FHDC1: variants seen among roughly 807,000 people sequenced by gnomAD.
FHDC1 encodes the protein FH2 domain containing 1.
Under a neutral mutation model 52.6 loss-of-function variants are expected in FHDC1, and 25 were observed. That is an observed-to-expected ratio of 0.48 (90% CI 0.35 to 0.66). FHDC1 has a LOEUF of 0.66. Among genes scored for constraint, FHDC1 ranks in the 30% least tolerant of loss-of-function variants. The pLI, the probability that FHDC1 is intolerant of heterozygous loss-of-function variation, is 0.01. For missense variants in FHDC1, 1,459 were observed against 1,452.8 expected (o/e 1.00, Z -0.07); for synonymous variants, 616 against 581.5 (o/e 1.06, Z -0.85).
intron 10 of FHDC1, 108 bp downstream of exon 10, chr4:152,968,205 AT>A (rs941267701): frequency 3.8e-5 from 28 of 741,418 alleles, no homozygotes; most frequent in East Asian, 7.9e-5. Context: ...TCCCATTCAT[AT>A]TTTTTTTCTC....
In FHDC1 at chr4:152,975,249, T is replaced by C; in HGVS notation, c.1958T>C (p.Val653Ala). The change falls in exon 12 of 12, where the codon GTG (valine) becomes GCG (alanine). Residue 653 changes from valine (V) to alanine (A), a missense_variant. This residue lies in a region of FHDC1 where 939 missense variants were observed against 854.5 expected (regional missense o/e 1.10). Transcript: ENST00000511601. ...SVLRKRYSEP[V>A]SLGSAQSPPL... is the part of the protein sequence containing the mutation. ...CTCCGAAAGAGGTACAGTGAGCCGGTGAGCCTGGGCTCAGCACAGTCCCCT... is the reference window on the plus strand; with the variant it reads ...CTCCGAAAGAGGTACAGTGAGCCGGCGAGCCTGGGCTCAGCACAGTCCCCT... 6.2e-7 allele frequency: 1 copy of C among 1,613,454 alleles called. No individual in the cohort carries two copies. Among genetic ancestry groups the C allele is most frequent in the South Asian group, 1.1e-5 (1 of 91,084 alleles).
chr4:152,962,949 G>A, intron 7 of FHDC1, 65 bp downstream of exon 7: 3 of 1,152,264 alleles, frequency 2.6e-6, no homozygotes, highest in Middle Eastern at 1.9e-4. Flanking sequence ...AGGTGTGTGT[G>A]TGTGTGTGTG....
In FHDC1 at chr4:152,949,943, G is replaced by A. The variant is rs777356999; in HGVS notation, c.499-3556G>A. The stretch of plus-strand genomic sequence containing the variant: ...ACTCTGCAGTATGCTGACTGTACCC[G>A]TGGCACCGACTTCTGTGGCGGTCCT... On this transcript the variant is annotated intron_variant, in intron 2 of 11. Coordinates refer to ENST00000511601, the MANE Select transcript of FHDC1 (RefSeq NM_001371116.1). 3.5e-4 allele frequency among the ~76,000 whole-genome samples: 53 copies of A among 152,324 alleles called. 1 individual carries two copies. Among genetic ancestry groups the A allele is most frequent in the Non-Finnish European group, 5.1e-4 (35 of 68,030 alleles).
In FHDC1 at chr4:152,974,893, G is replaced by T. The variant is rs113348012; in HGVS notation, c.1602G>T (p.Pro534=). The T allele has an allele frequency of 6.2e-7, 1 of 1,604,726 alleles. No homozygotes were observed. The highest frequency in any genetic ancestry group is 1.7e-5 in the Admixed American group (1 of 59,466). ...ISPSSPSYRP[P]NTRRSRLSLG... ...CCTCCAGCCCCTCCTACCGGCCCCCGAACACCCGCCGCTCCCGCCTCTCCC... is the reference window on the plus strand; with the variant it reads ...CCTCCAGCCCCTCCTACCGGCCCCCTAACACCCGCCGCTCCCGCCTCTCCC... Residue 534 remains proline, a synonymous_variant, in exon 12 of 12, where the codon CCG becomes CCT. Coordinates refer to ENST00000511601, the MANE Select transcript of FHDC1 (RefSeq NM_001371116.1).
the FHDC1 span, among the ~76,000 whole-genome samples, chr4:152,931,270 G>C: frequency 1.3e-5 from 2 of 152,050 alleles, no homozygotes; most frequent in African/African-American, 4.8e-5. Context: ...ATATTTTACA[G>C]CTATTTTTCT....
chr4:152,933,725 G>C (rs1021999888), upstream of FHDC1, among the ~76,000 whole-genome samples: 1 of 98,740 alleles, frequency 1.0e-5, no homozygotes, highest in African/African-American at 5.0e-5. Context: ...GTGAGACCCC[G>C]TCTCAAAAAA....
intron 2 of FHDC1, among the ~76,000 whole-genome samples, chr4:152,950,626 C>T (rs1739897068): frequency 6.6e-6 from 1 of 152,238 alleles, no homozygotes; most frequent in African/African-American, 2.4e-5. Context: ...AGGGCCAGGG[C>T]TCAGGCCCCT....
intron 4 of FHDC1, among the ~76,000 whole-genome samples, chr4:152,955,427 A>G (rs1383888485): frequency 3.9e-5 from 6 of 152,232 alleles, no homozygotes; most frequent in Non-Finnish European, 5.9e-5. Context: ...ACAAATACCT[A>G]TGCTTATAGA....
rs978854852 is a variant in FHDC1, at chr4:152,978,295, T to C, written c.*1572T>C. ...CTGTCTCCCAGCCTTTCTTCTCTCT[T>C]TGTGTGCTCCCAGCACTTCCTTCTT... On this transcript the variant is annotated 3_prime_UTR_variant, in exon 12 of 12. Transcript: ENST00000511601. The C allele has an allele frequency of 6.6e-6, 1 of 152,234 alleles. No homozygotes were observed. The highest frequency in any genetic ancestry group is 1.5e-5 in the Non-Finnish European group (1 of 68,046). 9.4% of individuals were successfully genotyped at this position (152,234 alleles called of 1,614,324 possible). A position where few individuals can be genotyped will look rare whatever the true frequency, so the allele number is the denominator to read the frequency against.
At chr4:152,959,347 C>A (rs568645506) in intron 4 of FHDC1, among the ~76,000 whole-genome samples, 2 of 152,180 alleles carry the variant, frequency 1.3e-5, no homozygotes, top group African/African-American at 4.8e-5. Flanking sequence ...TGAAAACTTT[C>A]CTTTCATCTC....
intron 4 of FHDC1, among the ~76,000 whole-genome samples, 184 bp downstream of exon 4, chr4:152,954,503 A>T (rs1740024240): frequency 6.6e-6 from 1 of 152,130 alleles, no homozygotes; most frequent in Admixed American, 6.5e-5. Flanking sequence ...TCTGGCCAAC[A>T]TGATGGAACT....
At chr4:152,924,375 G>A in the FHDC1 span, among the ~76,000 whole-genome samples, 1 of 152,194 alleles carries the variant, frequency 6.6e-6, no homozygotes, top group East Asian at 1.9e-4. Context: ...TACTGGAGAG[G>A]ATGTGGAGAA....
At position 152,977,482 on chromosome 4, in the gene FHDC1, T is replaced by G. The variant is rs1472516983; in HGVS notation, c.*759T>G. On this transcript the variant is annotated 3_prime_UTR_variant, in exon 12 of 12. Transcript: ENST00000511601. ...TTTGCGACAGGGTCGTGCTCTTGTC[T>G]CCCAGACTGGACTGCAGTGGCACAA... The G allele has an allele frequency of 1.3e-5, 2 of 152,168 alleles. No homozygotes were observed. The highest frequency in any genetic ancestry group is 2.9e-5 in the Non-Finnish European group (2 of 68,034). 9.4% of individuals were successfully genotyped at this position (152,168 alleles called of 1,614,324 possible).
At chr4:152,956,249 T>TC (rs1561207893) in intron 4 of FHDC1, among the ~76,000 whole-genome samples, 1 of 152,178 alleles carries the variant, frequency 6.6e-6, no homozygotes, top group Non-Finnish European at 1.5e-5. Context: ...TTAGGACCTC[T>TC]CTATACCCAC....
In FHDC1 at chr4:152,976,023, C is replaced by G; in HGVS notation, c.2732C>G (p.Ser911Cys). Residue 911 changes from serine to cysteine, a missense_variant, in exon 12 of 12, where the codon TCC becomes TGC. Ser to Cys is a moderately radical substitution (Grantham distance 112, BLOSUM62 -1). This residue lies in a region of FHDC1 where 939 missense variants were observed against 854.5 expected (regional missense o/e 1.10). Transcript: ENST00000511601. The stretch of plus-strand genomic sequence containing the variant: ...CGCAAGGTCATGCCCATCACCAAGT[C>G]CAGCAGAGGCGCCGGCTGGAGGCGA... ...SMRKVMPITKSSRGAGWRRPE... is the reference protein window; with the variant it reads ...SMRKVMPITKCSRGAGWRRPE... The G allele has an allele frequency of 6.4e-7, 1 of 1,558,440 alleles. No individual in the cohort carries two copies. The highest frequency in any genetic ancestry group is 8.6e-7 in the Non-Finnish European group (1 of 1,156,640).
At chr4:152,915,129 T>G in the FHDC1 span, among the ~76,000 whole-genome samples, 1 of 152,232 alleles carries the variant, frequency 6.6e-6, no homozygotes, top group Non-Finnish European at 1.5e-5. Flanking sequence ...TAATTATTCT[T>G]TCCTTTGAGG....
chr4:152,915,060 T>C, the FHDC1 span, among the ~76,000 whole-genome samples: 4 of 152,148 alleles, frequency 2.6e-5, no homozygotes, highest in Admixed American at 2.6e-4. Context: ...TCCTCCTAAA[T>C]GATTTCTGAT....
chr4:152,916,863 A>G, the FHDC1 span: 1 of 152,250 alleles, frequency 6.6e-6, no homozygotes, highest in East Asian at 1.9e-4. Flanking sequence ...GATTCCATAT[A>G]GGAAAACATG....
intron 1 of FHDC1, among the ~76,000 whole-genome samples, chr4:152,938,601 G>A (rs1474288519): frequency 6.6e-6 from 1 of 152,108 alleles, no homozygotes; most frequent in Non-Finnish European, 1.5e-5. Context: ...CAATAAAATA[G>A]GGCTGTGTGT....
Sources: allele counts gnomAD v4.1 joint callset (sites outside exome capture counted in the v4.1 genomes callset), GRCh38; gene constraint gnomAD v4.1.1; regional missense constraint gnomAD v4.1.1; transcripts MANE v1.5; gene names NCBI Gene and HGNC (gene_info 2026-07-23, HGNC 2026-07-21).